Variants in RALGAPA2 observed in about 807,000 individuals in gnomAD.
RALGAPA2 encodes the protein Ral GTPase activating protein catalytic subunit alpha 2, also known as ral GTPase-activating protein subunit alpha-2.
RALGAPA2 carries 139 observed loss-of-function variants against 230.4 expected under a neutral mutation model. The observed-to-expected ratio is 0.60, with a 90% CI of 0.53 to 0.69. The LOEUF (loss-of-function observed/expected upper bound fraction) is 0.69. Among genes scored for constraint, RALGAPA2 ranks in the 30% least tolerant of loss-of-function variants. RALGAPA2 has a pLI of 0.00. For synonymous variants in RALGAPA2, 847 were observed against 837.8 expected, an observed-to-expected ratio of 1.01 and a Z score of -0.19; for missense variants, 2,163 against 2,276.0, an observed-to-expected ratio of 0.95 and a Z score of 1.01.
In RALGAPA2 at chr20:20,653,558, A is replaced by G; in HGVS notation, c.300T>C (p.Ile100=). 6.7e-7 allele frequency: 1 copy of G among 1,503,076 alleles called. No homozygotes were observed. The highest frequency in any genetic ancestry group is 1.2e-5 in the South Asian group (1 of 81,490). 93.1% of individuals were successfully genotyped at this position (1,503,076 alleles called of 1,614,324 possible). A position where few individuals can be genotyped will look rare whatever the true frequency, so the allele number is the denominator to read the frequency against. ...EKILQFLPER[I]FFRWHYQSIG... is the part of the protein sequence containing the mutation. ...TACTCTGGTAATGCCATCGAAAGAA[A>G]ATTCGTTCAGGTAGAAACTGCAGTA... Residue 100 remains isoleucine (I), a synonymous_variant, in exon 4 of 40, where the codon ATT becomes ATC. Coordinates refer to ENST00000202677, the MANE Select transcript of RALGAPA2 (RefSeq NM_020343.4).
intron 10 of RALGAPA2, among the ~76,000 whole-genome samples, chr20:20,620,957 A>G (rs181096456): frequency 6.6e-6 from 1 of 152,280 alleles, no homozygotes; most frequent in East Asian, 1.9e-4. Context: ...CCTGGCCAAC[A>G]TGGTGAAACC....
chr20:20,526,961 G>A (rs572785348), intron 27 of RALGAPA2, among the ~76,000 whole-genome samples: 1 of 152,178 alleles, frequency 6.6e-6, no homozygotes, highest in Non-Finnish European at 1.5e-5. Context: ...AGGCTGGCGT[G>A]CATCTCAAGT....
chr20:20,588,876 G>T lies in RALGAPA2; in HGVS notation c.2439+392C>A, dbSNP rs1407137581. The stretch of plus-strand genomic sequence containing the variant: ...TGCCATTTTATGTTTTTTGTTTTTT[G>T]TTTTTTTTAAGAAACCTAACATCTT... On this transcript the variant is annotated intron_variant, in intron 18 of 39. Transcript: ENST00000202677. Among the ~76,000 whole-genome samples, 6 of 149,104 alleles carry T rather than the reference G, an allele frequency of 4.0e-5. No homozygotes were observed. In the East Asian group the frequency reaches 1.2e-3, roughly 29 times the overall value.
intron 31 of RALGAPA2, among the ~76,000 whole-genome samples, chr20:20,514,257 C>T (rs570791940): frequency 4.6e-5 from 7 of 152,126 alleles, no homozygotes; most frequent in Non-Finnish European, 7.4e-5. Flanking sequence ...GGGCCCTTTC[C>T]GCTCCGCACC....
intron 3 of RALGAPA2, chr20:20,659,745 T>G: frequency 1.2e-6 from 1 of 837,662 alleles, no homozygotes; most frequent in Non-Finnish European, 1.9e-6. Flanking sequence ...ATGATGACAC[T>G]GGGGACCATG....
At chr20:20,659,412 A>G (rs1255394736) in intron 3 of RALGAPA2, among the ~76,000 whole-genome samples, 1 of 152,224 alleles carries the variant, frequency 6.6e-6, no homozygotes, top group East Asian at 1.9e-4. Flanking sequence ...TTATTTGAGG[A>G]CCTGCTATAC....
At chr20:20,448,139 T>C (rs1043515142) in intron 37 of RALGAPA2, among the ~76,000 whole-genome samples, 1 of 152,194 alleles carries the variant, frequency 6.6e-6, no homozygotes, top group East Asian at 1.9e-4. Flanking sequence ...TTTTGAAAAA[T>C]GAATATTCAG....
rs899410647 is a variant in RALGAPA2 at position 20,391,877 on chromosome 20, G to C, written c.*1412C>G. Reference sequence around the variant, plus strand: ...CCCTGAGTTAGGGGCTGCGTCTCTCGTGCTGCTGTCCCTTCCCACTGCAGG... The same window carrying C: ...CCCTGAGTTAGGGGCTGCGTCTCTCCTGCTGCTGTCCCTTCCCACTGCAGG... On this transcript the variant is annotated 3_prime_UTR_variant, in exon 40 of 40. Transcript: ENST00000202677. The C allele has an allele frequency of 2.0e-5, 3 of 152,550 alleles. No individual in the cohort carries two copies. The highest frequency in any genetic ancestry group is 2.9e-5 in the Non-Finnish European group (2 of 68,272). 9.4% of individuals were successfully genotyped at this position (152,550 alleles called of 1,614,324 possible).
intron 20 of RALGAPA2, among the ~76,000 whole-genome samples, chr20:20,579,210 A>G (rs2064911366): frequency 6.6e-6 from 1 of 152,204 alleles, no homozygotes; most frequent in Non-Finnish European, 1.5e-5. Context: ...TATTATTTCT[A>G]AAAAATTAAA....
At chr20:20,667,200 T>C (rs1353976723) in intron 3 of RALGAPA2, among the ~76,000 whole-genome samples, 2 of 152,220 alleles carry the variant, frequency 1.3e-5, no homozygotes, top group African/African-American at 4.8e-5. Context: ...TGGATATAGC[T>C]ATATTACTAT....
Position 20,524,823 on chromosome 20 carries a change from C to T in RALGAPA2, c.3762+7G>A. On this transcript the variant is annotated splice_region_variant and intron_variant, in intron 29 of 39. Transcript: ENST00000202677. ...TATAGGAAAAACTTAGTTAATGTGC[C>T]ACCTACCTTCTTGTCTGTTTCCACT... 6.3e-7 allele frequency: 1 copy of T among 1,584,530 alleles called. No homozygotes were observed.
rs376853921 is a variant in RALGAPA2, at chr20:20,531,792, G to A, written c.3477C>T (p.Cys1159=). ...ATEEPNEYAR[C]IAVCSLGVWI... The stretch of plus-strand genomic sequence containing the variant: ...AGACCCCAAGGGAGCAAACAGCAAT[G>A]CATCTTTTTAAAAAGAAGAAAACAG... The change falls in exon 27 of 40, where the codon TGC becomes TGT. Residue 1159 remains cysteine (C), a synonymous_variant. Coordinates refer to ENST00000202677, the MANE Select transcript of RALGAPA2 (RefSeq NM_020343.4). 226 of 1,593,512 alleles carry A rather than the reference G, an allele frequency of 1.4e-4. No individual in the cohort carries two copies. Among genetic ancestry groups the A allele is most frequent in the Middle Eastern group, 5.0e-4 (3 of 6,040 alleles).
chr20:20,554,251 T>C (rs1602765038), intron 23 of RALGAPA2, among the ~76,000 whole-genome samples: 1 of 152,232 alleles, frequency 6.6e-6, no homozygotes, highest in Non-Finnish European at 1.5e-5. Context: ...AATCTTACTA[T>C]ATATATGGCA....
chr20:20,417,619 T>C (rs1408101062), intron 37 of RALGAPA2, among the ~76,000 whole-genome samples: 2 of 152,216 alleles, frequency 1.3e-5, no homozygotes, highest in Non-Finnish European at 2.9e-5. Context: ...TTCCAGGAAC[T>C]GGGACACAGA....
intron 10 of RALGAPA2, among the ~76,000 whole-genome samples, chr20:20,624,590 A>G (rs1290063956): frequency 6.6e-6 from 1 of 152,144 alleles, no homozygotes; most frequent in Admixed American, 6.5e-5. Context: ...AATGTATAAT[A>G]AGATGAAATT....
intron 16 of RALGAPA2, among the ~76,000 whole-genome samples, chr20:20,594,908 G>A (rs553196277): frequency 2.4e-4 from 37 of 151,828 alleles, no homozygotes; most frequent in Non-Finnish European, 4.4e-4. Flanking sequence ...TTTTAGTAAA[G>A]ATGGGGTTTC....
chr20:20,676,471 A>G (rs78304919), intron 2 of RALGAPA2, among the ~76,000 whole-genome samples, 183 bp from the exon 3 acceptor site: 3,804 of 136,344 alleles, frequency 0.028, 166 homozygotes, highest in African/African-American at 0.099. Flanking sequence ...CCGACTGCTC[A>G]GATCCACATC....
At chr20:20,419,164 C>G (rs1440352219) in intron 37 of RALGAPA2, among the ~76,000 whole-genome samples, 1 of 152,096 alleles carries the variant, frequency 6.6e-6, no homozygotes, top group African/African-American at 2.4e-5. Flanking sequence ...GGGGTTGTAC[C>G]TGGGAGGTTC....
At chr20:20,421,025 C>CTT in intron 37 of RALGAPA2, among the ~76,000 whole-genome samples, 1 of 152,134 alleles carries the variant, frequency 6.6e-6, no homozygotes, top group African/African-American at 2.4e-5. Context: ...AGGCAACACA[C>CTT]AGAATAGGAG....
Sources: allele counts gnomAD v4.1 joint callset (sites outside exome capture counted in the v4.1 genomes callset), GRCh38; gene constraint gnomAD v4.1.1; transcripts MANE v1.5; gene names NCBI Gene and HGNC (gene_info 2026-07-23, HGNC 2026-07-21).